Variants in FAM169A observed in about 807,000 individuals in gnomAD.
FAM169A encodes the protein family with sequence similarity 169 member A.
A neutral mutation model predicts 75.7 loss-of-function variants in FAM169A; 24 were observed. That is an observed-to-expected ratio of 0.32 (90% CI 0.23 to 0.45). The LOEUF is 0.45. Among genes scored for constraint, FAM169A ranks in the 20% least tolerant of loss-of-function variants. FAM169A has a pLI of 1.00. For synonymous variants in FAM169A, 271 were observed against 271.0 expected (o/e 1.00, Z 0.00); for missense variants, 673 against 784.0 (o/e 0.86, Z 1.69).
chr5:74,834,432 G>T lies in FAM169A; in HGVS notation c.484C>A (p.Pro162Thr), dbSNP rs769871676. The change falls in exon 5 of 13, where the codon CCT (proline) becomes ACT (threonine). Residue 162 changes from proline to threonine, a missense_variant. Physicochemically the swap from Pro to Thr is conservative, Grantham distance 38. This residue lies in a region of FAM169A where 107 missense variants were observed against 180.8 expected (regional missense o/e 0.59). Coordinates refer to ENST00000687041, the MANE Select transcript of FAM169A (RefSeq NM_001376049.1). ...ATAACTTTTAAAGACTCACCTGTAG[G>T]CTTAACTGAATAAAACCCAATGGCC... ...GEAIGFYSVK[P>T]TGSICASFLT... 3.7e-5 allele frequency: 55 copies of T among 1,503,824 alleles called. No individual in the cohort carries two copies. The highest frequency in any genetic ancestry group is 3.9e-5 in the Non-Finnish European group (44 of 1,121,436). 93.2% of individuals were successfully genotyped at this position (1,503,824 alleles called of 1,614,324 possible). A position where few individuals can be genotyped will look rare whatever the true frequency, so the allele number is the denominator to read the frequency against.
chr5:74,811,236 G>A (rs908199926), intron 6 of FAM169A, among the ~76,000 whole-genome samples: 5 of 152,088 alleles, frequency 3.3e-5, no homozygotes, highest in South Asian at 4.2e-4. Flanking sequence ...TGCCCTCCTC[G>A]GCCTTCCAAA....
chr5:74,792,104 T>C (rs1357551743), intron 11 of FAM169A, among the ~76,000 whole-genome samples: 1 of 152,210 alleles, frequency 6.6e-6, no homozygotes, highest in East Asian at 1.9e-4. Context: ...AGTTGTATTA[T>C]GTTAGGCATA....
At chr5:74,801,081 A>G in intron 9 of FAM169A, 51 bp from the exon 10 acceptor site, 1 of 1,358,090 alleles carries the variant, frequency 7.4e-7, no homozygotes, top group Non-Finnish European at 9.8e-7. Context: ...TATTAAAAGG[A>G]CTACCTATTA....
chr5:74,835,635 T>G (rs1031749493), intron 4 of FAM169A, among the ~76,000 whole-genome samples: 1 of 140,938 alleles, frequency 7.1e-6, no homozygotes, highest in Non-Finnish European at 1.5e-5. Flanking sequence ...AATCTGTACA[T>G]AAGCCTATAT....
At chr5:74,787,401 G>C (rs1745748960) in intron 11 of FAM169A, among the ~76,000 whole-genome samples, 1 of 152,238 alleles carries the variant, frequency 6.6e-6, no homozygotes, top group Admixed American at 6.5e-5. Context: ...TAGAGGAAGA[G>C]ATCCAAAGGC....
At chr5:74,846,056 A>G (rs898070336) in intron 1 of FAM169A, among the ~76,000 whole-genome samples, 1 of 152,234 alleles carries the variant, frequency 6.6e-6, no homozygotes, top group African/African-American at 2.4e-5. Context: ...ACAGAACGTA[A>G]TAACTGTTTT....
chr5:74,862,618 T>C (rs1459595489), intron 1 of FAM169A, among the ~76,000 whole-genome samples: 1 of 152,230 alleles, frequency 6.6e-6, no homozygotes, highest in African/African-American at 2.4e-5. Flanking sequence ...TCTTTAAGAC[T>C]GAATTTCTAG....
At chr5:74,819,379 C>G (rs537915958) in intron 5 of FAM169A, among the ~76,000 whole-genome samples, 1 of 152,144 alleles carries the variant, frequency 6.6e-6, no homozygotes, top group Non-Finnish European at 1.5e-5. Context: ...GCTAGGTGAA[C>G]TATAATCAAC....
chr5:74,819,151 A>G (rs1400350310), intron 5 of FAM169A, among the ~76,000 whole-genome samples: 1 of 151,908 alleles, frequency 6.6e-6, no homozygotes, highest in Non-Finnish European at 1.5e-5. Context: ...CCCAGGAGGC[A>G]GAGGTTGCAG....
chr5:74,810,434 C>T (rs570161588), intron 6 of FAM169A, among the ~76,000 whole-genome samples: 13 of 152,152 alleles, frequency 8.5e-5, no homozygotes, highest in African/African-American at 3.1e-4. Flanking sequence ...CAAAAATGTA[C>T]ACTTTTGTGT....
At position 74,783,002 on chromosome 5, in the gene FAM169A, C is replaced by T. The variant is rs971723644; in HGVS notation, c.1393G>A (p.Glu465Lys). ...ELKLQPFNSS[E>K]DSTNLVPLVV... ...AGTGGAACAAGATTTGTAGAGTCTT[C>T]ACTGGAATTAAAAGGCTGCAATTTT... Residue 465 changes from glutamate to lysine, a missense_variant, in exon 12 of 13, where the codon GAA becomes AAA. This residue lies in a region of FAM169A where 510 missense variants were observed against 550.9 expected (regional missense o/e 0.93). Transcript: ENST00000687041. 1.2e-6 allele frequency: 2 copies of T among 1,613,900 alleles called. No individual in the cohort carries two copies. Among genetic ancestry groups the T allele is most frequent in the Non-Finnish European group, 8.5e-7 (1 of 1,179,936 alleles).
At chr5:74,798,665 C>T (rs1746403653) in intron 10 of FAM169A, among the ~76,000 whole-genome samples, 1 of 152,106 alleles carries the variant, frequency 6.6e-6, no homozygotes, top group South Asian at 2.1e-4. Flanking sequence ...GAACAGTTGG[C>T]AGAACTGTTA....
Position 74,796,093 on chromosome 5 carries a change from A to G in FAM169A, c.1197T>C (p.Ser399=), listed in dbSNP as rs751115284. The G allele has an allele frequency of 1.1e-5, 18 of 1,613,826 alleles. No individual in the cohort carries two copies. Among genetic ancestry groups the G allele is most frequent in the Non-Finnish European group, 1.5e-5 (18 of 1,179,986 alleles). The change falls in exon 11 of 13, where the codon AGT becomes AGC. Residue 399 remains serine, a synonymous_variant. Coordinates refer to ENST00000687041, the MANE Select transcript of FAM169A (RefSeq NM_001376049.1). ...QRGIEFEDES[S]DRDARPALET... ...CCAGTGCTGGCCGTGCATCTCTATC[A>G]CTGCTTTCATCCTCAAATTCAATCC...
At position 74,781,934 on chromosome 5, in the gene FAM169A, T is replaced by C. The variant is rs200328555; in HGVS notation, c.1539A>G (p.Lys513=). 9.3e-6 allele frequency: 15 copies of C among 1,614,018 alleles called. No individual in the cohort carries two copies. In the East Asian group the frequency reaches 3.3e-4, roughly 36 times the overall value. Residue 513 remains lysine (K), a synonymous_variant, in exon 13 of 13, where the codon AAA becomes AAG. Coordinates refer to ENST00000687041, the MANE Select transcript of FAM169A (RefSeq NM_001376049.1). ...CTTTCTTTCTTGGAAGTAGGGACAA[T>C]TTCTCTTCCATGTGCCCCTTTTCAT... ...TSDEKGHMEE[K]LSLLPRKKAH...
At position 74,780,646 on chromosome 5, in the gene FAM169A, GA is replaced by G. The variant is rs1745367582; in HGVS notation, c.*813del. 6.6e-6 allele frequency: 1 copy of G among 152,124 alleles called. No homozygotes were observed. The allele number at this position is 152,124 out of a possible 1,614,324, so 9.4% of individuals were successfully genotyped here. A position where few individuals can be genotyped will look rare whatever the true frequency, so the allele number is the denominator to read the frequency against. On this transcript the variant is annotated 3_prime_UTR_variant, in exon 13 of 13. Transcript: ENST00000687041. ...AACCATGTCTCCAAAGTATAGTTGT[GA>G]TTTTTACCTGATTAAAGGTGAAAGT...
chr5:74,806,936 A>G (rs1229998342), intron 6 of FAM169A, among the ~76,000 whole-genome samples: 1 of 152,090 alleles, frequency 6.6e-6, no homozygotes, highest in African/African-American at 2.4e-5. Flanking sequence ...CCAAGGAAAG[A>G]TAAGATATGA....
At chr5:74,863,171 G>C (rs1750131221) in intron 1 of FAM169A, among the ~76,000 whole-genome samples, 1 of 152,076 alleles carries the variant, frequency 6.6e-6, no homozygotes, top group Admixed American at 6.5e-5. Context: ...AACTCCATGA[G>C]TCTAATAAGC....
chr5:74,855,948 T>C (rs928819514), intron 1 of FAM169A, among the ~76,000 whole-genome samples: 71 of 152,238 alleles, frequency 4.7e-4, no homozygotes, highest in African/African-American at 1.7e-3. Context: ...CATTTTGATT[T>C]GGTTTTTGTA....
At chr5:74,804,301 A>G (rs559619157) in intron 8 of FAM169A, among the ~76,000 whole-genome samples, 192 bp downstream of exon 8, 1 of 152,270 alleles carries the variant, frequency 6.6e-6, no homozygotes, top group East Asian at 1.9e-4. Flanking sequence ...TAACATCATT[A>G]AAATTATTTT....
Sources: gnomAD v4.1 joint callset for allele counts (sites outside exome capture counted in the v4.1 genomes callset) on GRCh38, gnomAD v4.1.1 for gene constraint, gnomAD v4.1.1 regional missense constraint, MANE v1.5 for transcripts, NCBI Gene and HGNC (gene_info 2026-07-23, HGNC 2026-07-21) for gene names.